MAP3K1: variants seen among roughly 807,000 people sequenced by gnomAD.
MAP3K1 encodes mitogen-activated protein kinase kinase kinase 1.
MAP3K1 carries 36 observed loss-of-function variants against 144.2 expected under a neutral mutation model. The observed-to-expected ratio is 0.25, with a 90% CI of 0.19 to 0.33. MAP3K1 has a LOEUF of 0.33. MAP3K1 is among the 10% of genes least tolerant of loss of function. MAP3K1 has a pLI of 1.00. For synonymous variants in MAP3K1, 718 were observed against 688.7 expected (o/e 1.04, Z -0.67); for missense variants, 1,650 against 1,881.9 (o/e 0.88, Z 2.28).
At chr5:56,859,490 C>T (rs1305136881) in intron 2 of MAP3K1, among the ~76,000 whole-genome samples, 12 of 151,942 alleles carry the variant, frequency 7.9e-5, no homozygotes, top group Non-Finnish European at 1.0e-4. Context: ...GAGGAGGTTG[C>T]GTTTTAACTA....
chr5:56,856,696 T>C lies in MAP3K1; in HGVS notation c.579T>C (p.Cys193=), dbSNP rs1207794479. 2 of 1,613,930 alleles carry C rather than the reference T, an allele frequency of 1.2e-6. No homozygotes were observed. Among genetic ancestry groups the C allele is most frequent in the South Asian group, 2.2e-5 (2 of 91,082 alleles). The change falls in exon 2 of 20, where the codon TGT becomes TGC. Residue 193 remains cysteine (C), a synonymous_variant. Transcript: ENST00000399503. The stretch of plus-strand genomic sequence containing the variant: ...TCAGGGAGAAACTGAAGGCAACCTG[T>C]ATGCCAGCCTGGAAGCACGAATGGT... ...RMIREKLKAT[C]MPAWKHEWLE...
At chr5:56,819,521 A>C (rs1348902058) in intron 1 of MAP3K1, among the ~76,000 whole-genome samples, 2 of 152,152 alleles carry the variant, frequency 1.3e-5, no homozygotes, top group Admixed American at 1.3e-4. Flanking sequence ...CAAAGGAAGA[A>C]ATGAGGGGGT....
intron 1 of MAP3K1, among the ~76,000 whole-genome samples, chr5:56,848,061 T>C (rs1305862618): frequency 1.3e-5 from 2 of 151,778 alleles, no homozygotes; most frequent in Non-Finnish European, 2.9e-5. Flanking sequence ...AAGGGAGATT[T>C]GGGCATGTAC....
At chr5:56,857,803 C>G (rs1299372061) in intron 2 of MAP3K1, among the ~76,000 whole-genome samples, 1 of 152,134 alleles carries the variant, frequency 6.6e-6, no homozygotes, top group East Asian at 1.9e-4. Flanking sequence ...ACTCAATAAT[C>G]CCTGTGGCTT....
rs1257658596 is a variant in MAP3K1, at chr5:56,861,417, CA to C, written c.834+1507del. Among the ~76,000 whole-genome samples, 3 of 151,806 alleles carry C rather than the reference CA, an allele frequency of 2.0e-5. No individual in the cohort carries two copies. The East Asian group carries it at 5.8e-4, about 29-fold the overall frequency. Reference sequence around the variant, plus strand: ...TGAAACCCCGTCTCTACTAAAAATACAAAAATTAGCCAGGCGTGGTGGCAGG... The same window carrying C: ...TGAAACCCCGTCTCTACTAAAAATACAAAATTAGCCAGGCGTGGTGGCAGG... On this transcript the variant is annotated intron_variant, in intron 3 of 19. Coordinates refer to ENST00000399503, the MANE Select transcript of MAP3K1 (RefSeq NM_005921.2).
Position 56,815,819 on chromosome 5 carries a change from C to T in MAP3K1, c.246C>T (p.Ala82=), listed in dbSNP as rs763889063. 75 of 1,423,636 alleles carry T rather than the reference C, an allele frequency of 5.3e-5. No individual in the cohort carries two copies. The African/African-American group carries it at 9.2e-4, about 17-fold the overall frequency. The allele number at this position is 1,423,636 out of a possible 1,614,324, so 88.2% of individuals were successfully genotyped here. ...QLPEQPLFLA[A]SPPASSTSPS... ...CTGAGCAGCCGCTCTTCCTTGCCGCCTCACCGCCGGCCTCCTCGACTTCCC... is the reference window on the plus strand; with the variant it reads ...CTGAGCAGCCGCTCTTCCTTGCCGCTTCACCGCCGGCCTCCTCGACTTCCC... The change falls in exon 1 of 20, where the codon GCC becomes GCT. Residue 82 remains alanine (A), a synonymous_variant. Transcript: ENST00000399503.
At position 56,874,975 on chromosome 5, in the gene MAP3K1, T is replaced by C. The variant is rs1747976698; in HGVS notation, c.1687-57T>C. On this transcript the variant is annotated intron_variant, in intron 9 of 19. Coordinates refer to ENST00000399503, the MANE Select transcript of MAP3K1 (RefSeq NM_005921.2). Reference sequence around the variant, plus strand: ...ATCAAAAATGATGCTAAACTCAAAATGCTCTGGGTCCATAAGCTTTTCTTT... The same window carrying C: ...ATCAAAAATGATGCTAAACTCAAAACGCTCTGGGTCCATAAGCTTTTCTTT... 4.5e-6 allele frequency: 7 copies of C among 1,572,208 alleles called. No individual in the cohort carries two copies. The Admixed American group carries it at 1.2e-4, about 26-fold the overall frequency.
chr5:56,823,610 T>A (rs1418102733), intron 1 of MAP3K1, among the ~76,000 whole-genome samples: 4 of 152,240 alleles, frequency 2.6e-5, no homozygotes, highest in African/African-American at 9.6e-5. Flanking sequence ...AATTAGTGGA[T>A]CCACTGTTTT....
chr5:56,854,446 A>AAG (rs1196477905), intron 1 of MAP3K1, among the ~76,000 whole-genome samples: 27 of 151,392 alleles, frequency 1.8e-4, no homozygotes, highest in African/African-American at 5.8e-4. Flanking sequence ...AAAAAAAAAA[A>AAG]AAAAGAAAGA....
At chr5:56,826,888 G>A (rs908004466) in intron 1 of MAP3K1, among the ~76,000 whole-genome samples, 4 of 152,240 alleles carry the variant, frequency 2.6e-5, no homozygotes, top group Non-Finnish European at 5.9e-5. Context: ...CAGCAGGAGG[G>A]AAGTCTCCAT....
At chr5:56,887,353 G>A (rs2111961463) in intron 17 of MAP3K1, 25 bp from the exon 18 acceptor site, 1 of 1,613,404 alleles carries the variant, frequency 6.2e-7, no homozygotes. Flanking sequence ...TAACATACAA[G>A]GTCATTTGCT....
chr5:56,860,951 A>G (rs1747490296), intron 3 of MAP3K1, among the ~76,000 whole-genome samples: 1 of 152,216 alleles, frequency 6.6e-6, no homozygotes, highest in Non-Finnish European at 1.5e-5. Flanking sequence ...GAAAGCTACT[A>G]TCCACCACTA....
chr5:56,817,368 A>G (rs561238248), intron 1 of MAP3K1, among the ~76,000 whole-genome samples: 2 of 152,264 alleles, frequency 1.3e-5, no homozygotes, highest in East Asian at 3.9e-4. Context: ...ATTTTGTGAG[A>G]CGAATTTGAC....
chr5:56,892,709 T>A (rs1748584302), intron 19 of MAP3K1, among the ~76,000 whole-genome samples: 1 of 152,176 alleles, frequency 6.6e-6, no homozygotes, highest in African/African-American at 2.4e-5. Context: ...AGGAATGCAT[T>A]TCAAGAAGAA....
intron 1 of MAP3K1, among the ~76,000 whole-genome samples, chr5:56,855,328 C>T (rs921374209): frequency 6.6e-6 from 1 of 151,990 alleles, no homozygotes; most frequent in Non-Finnish European, 1.5e-5. Context: ...TCTCATATTG[C>T]TTCTATATAA....
chr5:56,816,620 A>T (rs1373267483), intron 1 of MAP3K1, among the ~76,000 whole-genome samples: 2 of 152,030 alleles, frequency 1.3e-5, no homozygotes, highest in African/African-American at 4.8e-5. Context: ...TCGAGTCCCT[A>T]GGCAGATACC....
rs2111921803 is a variant in MAP3K1 at position 56,875,280 on chromosome 5, C to T, written c.1935C>T (p.Asp645=). ...CCSVLSMVCA[D]PVYKVYVAAL... Reference sequence around the variant, plus strand: ...GCGTTCTGTCAATGGTCTGTGCTGACCCTGTCTACAAAGTGTACGTTGCTG... The same window carrying T: ...GCGTTCTGTCAATGGTCTGTGCTGATCCTGTCTACAAAGTGTACGTTGCTG... The change falls in exon 10 of 20, where the codon GAC becomes GAT. Residue 645 remains aspartate, a synonymous_variant. Coordinates refer to ENST00000399503, the MANE Select transcript of MAP3K1 (RefSeq NM_005921.2). The T allele has an allele frequency of 6.2e-7, 1 of 1,614,096 alleles. No individual in the cohort carries two copies. The highest frequency in any genetic ancestry group is 8.5e-7 in the Non-Finnish European group (1 of 1,180,020).
rs832584 is a variant in MAP3K1, at chr5:56,883,385, C to T, written c.3667-142C>T. The T allele has an allele frequency of 0.78, 578,256 of 737,992 alleles. 228,771 individuals are homozygous for T. The highest frequency in any genetic ancestry group is 0.82 in the Non-Finnish European group (352,584 of 430,824). 45.7% of individuals were successfully genotyped at this position (737,992 alleles called of 1,614,324 possible). ...TGGTGATTACTTTTGCATTTGCTGTCGGTCACAAATACCTTCCATTCAGAG... is the reference window on the plus strand; with the variant it reads ...TGGTGATTACTTTTGCATTTGCTGTTGGTCACAAATACCTTCCATTCAGAG... On this transcript the variant is annotated intron_variant, in intron 14 of 19. Transcript: ENST00000399503.
At chr5:56,875,991 C>T (rs1260950519) in intron 10 of MAP3K1, among the ~76,000 whole-genome samples, 1 of 152,024 alleles carries the variant, frequency 6.6e-6, no homozygotes, top group Non-Finnish European at 1.5e-5. Context: ...GAAAAGGGTT[C>T]CATGACATAG....
Sources: allele counts gnomAD v4.1 joint callset (sites outside exome capture counted in the v4.1 genomes callset), GRCh38; gene constraint gnomAD v4.1.1; transcripts MANE v1.5; gene names NCBI Gene and HGNC (gene_info 2026-07-23, HGNC 2026-07-21).